The following MBOAT2 variants were observed in gnomAD, a reference collection of about 807,000 sequenced individuals.
MBOAT2 encodes the protein membrane-bound glycerophospholipid O-acyltransferase 2.
A neutral mutation model predicts 63.4 loss-of-function variants in MBOAT2; 28 were observed. The ratio of observed to expected loss-of-function variants is 0.44; its 90% CI spans 0.33 to 0.61. The LOEUF is 0.61. MBOAT2 is among the 20% of genes least tolerant of loss of function. MBOAT2 has a pLI of 0.03. For missense variants in MBOAT2, 470 were observed against 605.8 expected, an observed-to-expected ratio of 0.78 and a Z score of 2.35; for synonymous variants, 211 against 215.6, an observed-to-expected ratio of 0.98 and a Z score of 0.19.
chr2:8,910,417 C>A (rs1057445915), intron 3 of MBOAT2, among the ~76,000 whole-genome samples: 1 of 152,156 alleles, frequency 6.6e-6, no homozygotes, highest in Non-Finnish European at 1.5e-5. Flanking sequence ...TCCAGTTGAA[C>A]CCTTCCTGAA....
chr2:8,934,799 T>A (rs1218418283), intron 3 of MBOAT2, among the ~76,000 whole-genome samples: 1 of 152,182 alleles, frequency 6.6e-6, no homozygotes, highest in Non-Finnish European at 1.5e-5. Context: ...AGTTAGTATT[T>A]TCCCCAAAGA....
intron 1 of MBOAT2, among the ~76,000 whole-genome samples, chr2:9,002,087 CG>C (rs1672728772): frequency 6.7e-6 from 1 of 150,022 alleles, no homozygotes; most frequent in African/African-American, 2.5e-5. Context: ...AAGAATCCTC[CG>C]CGGGGCCGGG....
intron 4 of MBOAT2, among the ~76,000 whole-genome samples, chr2:8,902,847 C>G (rs1347539757): frequency 6.6e-6 from 1 of 152,154 alleles, no homozygotes; most frequent in Non-Finnish European, 1.5e-5. Flanking sequence ...GCCTTCACAG[C>G]GTGGAAGGGG....
intron 1 of MBOAT2, among the ~76,000 whole-genome samples, chr2:8,972,532 C>T (rs1670524357): frequency 2.0e-5 from 3 of 152,292 alleles, no homozygotes; most frequent in Non-Finnish European, 4.4e-5. Flanking sequence ...TCTAAATAAA[C>T]TAAAGAGCTT....
intron 1 of MBOAT2, among the ~76,000 whole-genome samples, chr2:8,959,345 T>C (rs1669455080): frequency 6.6e-6 from 1 of 152,138 alleles, no homozygotes; most frequent in African/African-American, 2.4e-5. Context: ...CTTATAGAAG[T>C]GAAATACACT....
At chr2:8,936,781 C>A (rs534169477) in intron 3 of MBOAT2, among the ~76,000 whole-genome samples, 2 of 105,212 alleles carry the variant, frequency 1.9e-5, no homozygotes, top group African/African-American at 3.9e-5. Context: ...AGGGAGACTC[C>A]GTCTCAAAAA....
intron 3 of MBOAT2, among the ~76,000 whole-genome samples, chr2:8,911,331 A>G (rs2148591532): frequency 6.6e-6 from 1 of 152,256 alleles, no homozygotes; most frequent in East Asian, 1.9e-4. Flanking sequence ...TTGGGAGGAA[A>G]GTGGGTAAAC....
chr2:9,003,525 G>A lies in MBOAT2; in HGVS notation c.75+15C>T. ...GCGAGGGCGCGACGCCCGGCGCCAG[G>A]GCGCCTCGGGGTACCTGGTCGATGG... On this transcript the variant is annotated intron_variant, in intron 1 of 12. Transcript: ENST00000305997. This position sits in a 1 kb window ranked among gnomAD's most constrained non-coding sequence, Gnocchi z 5.4. The A allele has an allele frequency of 8.4e-7, 1 of 1,194,562 alleles. No homozygotes were observed. Among genetic ancestry groups the A allele is most frequent in the Non-Finnish European group, 1.0e-6 (1 of 963,582 alleles). The allele number at this position is 1,194,562 out of a possible 1,614,324, so 74.0% of individuals were successfully genotyped here.
At position 8,884,109 on chromosome 2, in the gene MBOAT2, G is replaced by A. The variant is rs184174181; in HGVS notation, c.452-1544C>T. On this transcript the variant is annotated intron_variant, in intron 5 of 12. Coordinates refer to ENST00000305997, the MANE Select transcript of MBOAT2 (RefSeq NM_138799.4). ...AAATTAGTTGGGTGTGGCGGCGGGC[G>A]CCTATAATCCCAACTACTCAGGAGG... 2.1e-4 allele frequency among the ~76,000 whole-genome samples: 29 copies of A among 140,596 alleles called. No homozygotes were observed. In the East Asian group the frequency reaches 2.3e-3, roughly 11 times the overall value. 92.2% of individuals were successfully genotyped at this position (140,596 alleles called of 152,430 possible). A position where few individuals can be genotyped will look rare whatever the true frequency, so the allele number is the denominator to read the frequency against.
chr2:8,989,279 TAAC>T (rs1671767221), intron 1 of MBOAT2, among the ~76,000 whole-genome samples: 1 of 152,192 alleles, frequency 6.6e-6, no homozygotes, highest in African/African-American at 2.4e-5. Flanking sequence ...ATCAGCCCGT[TAAC>T]GTCAAATGAG....
chr2:8,858,532 A>G lies in MBOAT2; in HGVS notation c.*147T>C, dbSNP rs1261757305. ...GAGGGCTTGTTTCACTCCATTTCCA[A>G]TCTGGTGTACAGGAAATTCCTTATC... is the stretch of plus-strand genomic sequence containing the variant. On this transcript the variant is annotated 3_prime_UTR_variant, in exon 13 of 13. Transcript: ENST00000305997. 1 of 601,790 alleles carries G rather than the reference A, an allele frequency of 1.7e-6. No individual in the cohort carries two copies. The highest frequency in any genetic ancestry group is 1.9e-5 in the African/African-American group (1 of 54,012). 37.3% of individuals were successfully genotyped at this position (601,790 alleles called of 1,614,324 possible).
chr2:8,879,059 G>C (rs1356141955), intron 6 of MBOAT2, among the ~76,000 whole-genome samples: 3 of 140,622 alleles, frequency 2.1e-5, no homozygotes, highest in African/African-American at 5.3e-5. Flanking sequence ...CTGGGCGACA[G>C]AGCGAGACTC....
intron 8 of MBOAT2, 41 bp from the exon 9 acceptor site, chr2:8,868,590 A>G (rs1293177393): frequency 2.7e-6 from 4 of 1,476,646 alleles, no homozygotes; most frequent in South Asian, 1.2e-5. Flanking sequence ...AAGAATCTCC[A>G]TAACAATTTA....
At chr2:8,979,380 C>T (rs1345243439) in intron 1 of MBOAT2, among the ~76,000 whole-genome samples, 1 of 152,020 alleles carries the variant, frequency 6.6e-6, no homozygotes, top group Non-Finnish European at 1.5e-5. Flanking sequence ...CCAGACATTG[C>T]TACCAAAGAA....
chr2:8,882,340 C>A (rs1663199606), intron 6 of MBOAT2, among the ~76,000 whole-genome samples, 171 bp downstream of exon 6: 1 of 152,188 alleles, frequency 6.6e-6, no homozygotes, highest in Non-Finnish European at 1.5e-5. Flanking sequence ...AGAAGGGATG[C>A]CCAGGCCTGC....
intron 3 of MBOAT2, among the ~76,000 whole-genome samples, chr2:8,924,648 ACTT>A (rs1472942590): frequency 1.3e-5 from 2 of 151,694 alleles, no homozygotes; most frequent in Admixed American, 1.3e-4. Context: ...TCCTGTTCTC[ACTT>A]TTGTTTACAG....
chr2:8,868,863 G>C (rs1219222487), intron 8 of MBOAT2, among the ~76,000 whole-genome samples: 3 of 152,176 alleles, frequency 2.0e-5, no homozygotes, highest in African/African-American at 7.2e-5. Flanking sequence ...CTGGAACACA[G>C]CAGAGTACGC....
intron 6 of MBOAT2, among the ~76,000 whole-genome samples, chr2:8,880,380 G>C (rs1315274864): frequency 6.6e-6 from 1 of 152,218 alleles, no homozygotes; most frequent in Non-Finnish European, 1.5e-5. Context: ...ACTGCTATTA[G>C]CTAACTGGGT....
intron 1 of MBOAT2, among the ~76,000 whole-genome samples, chr2:8,966,293 C>T (rs1669977842): frequency 6.6e-6 from 1 of 152,156 alleles, no homozygotes; most frequent in African/African-American, 2.4e-5. Flanking sequence ...GTGGTTATTC[C>T]AAATTGAGGT....
Sources: gnomAD v4.1 joint callset for allele counts (sites outside exome capture counted in the v4.1 genomes callset) on GRCh38, gnomAD v4.1.1 for gene constraint, Gnocchi (gnomAD v3.1) non-coding constraint, MANE v1.5 for transcripts, NCBI Gene and HGNC (gene_info 2026-07-23, HGNC 2026-07-21) for gene names.